Variants in GMDS observed in about 807,000 individuals in gnomAD.
GMDS encodes GDP-mannose 4,6-dehydratase, also known as GDP-mannose 4,6 dehydratase.
A neutral mutation model predicts 49.9 loss-of-function variants in GMDS; 20 were observed. The ratio of observed to expected loss-of-function variants is 0.40; its 90% CI spans 0.28 to 0.58. The LOEUF (loss-of-function observed/expected upper bound fraction) is 0.58, where lower values mean the gene tolerates loss of function less well. GMDS is among the 20% of genes least tolerant of loss of function. The pLI is 0.42. For synonymous variants in GMDS, 177 were observed against 178.6 expected, an observed-to-expected ratio of 0.99 and a Z score of 0.07; for missense variants, 362 against 481.4, an observed-to-expected ratio of 0.75 and a Z score of 2.32.
At position 2,058,754 on chromosome 6, in the gene GMDS, G is replaced by A. The variant is rs551681059; in HGVS notation, c.345+57017C>T. On this transcript the variant is annotated intron_variant, in intron 4 of 10. Transcript: ENST00000380815. ...TAAATATTGTCATGTGAGTCAGAGC[G>A]ACGGCTGCGAAGGAGATCCAGACCT... 3.3e-5 allele frequency among the ~76,000 whole-genome samples: 5 copies of A among 152,266 alleles called. No homozygotes were observed. In the South Asian group the frequency reaches 1.0e-3, roughly 32 times the overall value.
chr6:1,987,652 G>T (rs1765640612), intron 4 of GMDS, among the ~76,000 whole-genome samples: 1 of 152,114 alleles, frequency 6.6e-6, no homozygotes, highest in Admixed American at 6.6e-5. Flanking sequence ...AGAACTATGG[G>T]GGAAAAAAGC....
At chr6:1,889,012 G>C (rs563696545) in intron 7 of GMDS, among the ~76,000 whole-genome samples, 1 of 152,188 alleles carries the variant, frequency 6.6e-6, no homozygotes, top group Non-Finnish European at 1.5e-5. Flanking sequence ...TCCCAAAGGA[G>C]GGCTGGGATT....
intron 1 of GMDS, among the ~76,000 whole-genome samples, chr6:2,141,688 A>G (rs1273976425): frequency 6.6e-6 from 1 of 152,182 alleles, no homozygotes; most frequent in African/African-American, 2.4e-5. Flanking sequence ...GGGAAGCCAC[A>G]GGATGTCAAG....
At position 2,136,442 on chromosome 6, in the gene GMDS, C is replaced by T. The variant is rs148109326; in HGVS notation, c.103-11711G>A. Among the ~76,000 whole-genome samples the T allele has an allele frequency of 5.7e-3, 871 of 152,300 alleles. 2 individuals are homozygous for T. Among genetic ancestry groups the T allele is most frequent in the Middle Eastern group, 0.017 (5 of 294 alleles). ...TTTAAAAGAACTGATTTGGGCCAGG[C>T]GTGGTGGCTCCTTCCTATAATTCCA... is the stretch of plus-strand genomic sequence containing the variant. On this transcript the variant is annotated intron_variant, in intron 1 of 10. Transcript: ENST00000380815.
intron 7 of GMDS, among the ~76,000 whole-genome samples, chr6:1,923,218 A>G (rs1382031858): frequency 6.6e-6 from 1 of 152,042 alleles, no homozygotes; most frequent in Non-Finnish European, 1.5e-5. Flanking sequence ...CACCTTCACC[A>G]TCCTTCAAGT....
intron 1 of GMDS, among the ~76,000 whole-genome samples, chr6:2,186,894 T>G (rs1778802884): frequency 6.6e-6 from 1 of 152,240 alleles, no homozygotes; most frequent in African/African-American, 2.4e-5. Flanking sequence ...ATATTTATAA[T>G]TATGCATGTG....
At chr6:1,708,557 G>A (rs1299114993) in intron 9 of GMDS, among the ~76,000 whole-genome samples, 4 of 152,258 alleles carry the variant, frequency 2.6e-5, no homozygotes, top group East Asian at 1.9e-4. Context: ...CACTGCATCA[G>A]ATAACTGGTG....
In GMDS at chr6:2,058,762, C is replaced by T. The variant is rs556531496; in HGVS notation, c.345+57009G>A. Among the ~76,000 whole-genome samples the T allele has an allele frequency of 5.9e-5, 9 of 152,254 alleles. No homozygotes were observed. In the East Asian group the frequency reaches 1.7e-3, roughly 29 times the overall value. ...GTCATGTGAGTCAGAGCGACGGCTG[C>T]GAAGGAGATCCAGACCTTCCGACCT... On this transcript the variant is annotated intron_variant, in intron 4 of 10. Transcript: ENST00000380815.
At chr6:1,782,527 G>A (rs1204421305) in intron 7 of GMDS, among the ~76,000 whole-genome samples, 1 of 152,184 alleles carries the variant, frequency 6.6e-6, no homozygotes, top group Non-Finnish European at 1.5e-5. Flanking sequence ...TAGAGAAAAT[G>A]GGACCATCTT....
chr6:1,931,650 A>G (rs1581381618), intron 6 of GMDS, among the ~76,000 whole-genome samples: 1 of 152,326 alleles, frequency 6.6e-6, no homozygotes. Flanking sequence ...TTGACTTGTA[A>G]GAATTAAATT....
chr6:2,169,614 C>T (rs1269041071), intron 1 of GMDS, among the ~76,000 whole-genome samples: 1 of 119,922 alleles, frequency 8.3e-6, no homozygotes, highest in Non-Finnish European at 1.6e-5. Context: ...TTAAAGCCAC[C>T]AGGCAGCAAA....
chr6:1,945,032 A>C (rs986591322), intron 6 of GMDS, among the ~76,000 whole-genome samples: 2 of 152,222 alleles, frequency 1.3e-5, no homozygotes, highest in African/African-American at 2.4e-5. Flanking sequence ...ATTGATTTGG[A>C]CTTCAAGCAG....
intron 4 of GMDS, among the ~76,000 whole-genome samples, chr6:1,995,533 G>A (rs1056068631): frequency 5.9e-5 from 9 of 152,202 alleles, no homozygotes; most frequent in African/African-American, 2.2e-4. Context: ...AACTCCATCC[G>A]CACTAACATT....
chr6:2,007,137 T>A (rs143237760), intron 4 of GMDS, among the ~76,000 whole-genome samples: 187 of 152,314 alleles, frequency 1.2e-3, no homozygotes, highest in Non-Finnish European at 2.1e-3. Flanking sequence ...AAAGATCTCA[T>A]CCTTAGGTAG....
At chr6:1,837,185 T>C (rs77026064) in intron 7 of GMDS, among the ~76,000 whole-genome samples, 1,912 of 152,304 alleles carry the variant, frequency 0.013, 18 homozygotes, top group Non-Finnish European at 0.018. Flanking sequence ...CATGTTCAGA[T>C]GATAAGATAA....
intron 7 of GMDS, among the ~76,000 whole-genome samples, chr6:1,770,857 A>C (rs1401828431): frequency 6.6e-6 from 1 of 152,228 alleles, no homozygotes; most frequent in East Asian, 1.9e-4. Flanking sequence ...TGATGATCCA[A>C]TAAGAAAGAA....
chr6:1,737,798 TACAC>T (rs979372745), intron 8 of GMDS, among the ~76,000 whole-genome samples: 16 of 77,316 alleles, frequency 2.1e-4, no homozygotes, highest in East Asian at 1.2e-3. Flanking sequence ...CACACATACA[TACAC>T]ACACATACAC....
At chr6:1,812,988 C>G (rs988270534) in intron 7 of GMDS, among the ~76,000 whole-genome samples, 4 of 151,840 alleles carry the variant, frequency 2.6e-5, no homozygotes, top group Non-Finnish European at 4.4e-5. Flanking sequence ...TTCGGGAGAC[C>G]AAGGCAGGAG....
intron 4 of GMDS, among the ~76,000 whole-genome samples, chr6:1,963,351 C>A (rs1339083214): frequency 2.0e-5 from 3 of 152,188 alleles, no homozygotes; most frequent in Non-Finnish European, 2.9e-5. Context: ...CAGTGCTGGG[C>A]TAATGTCTTT....
Sources: allele counts gnomAD v4.1 joint callset (sites outside exome capture counted in the v4.1 genomes callset), GRCh38; gene constraint gnomAD v4.1.1; transcripts MANE v1.5; gene names NCBI Gene and HGNC (gene_info 2026-07-23, HGNC 2026-07-21).